MTSS1: variants seen among roughly 807,000 people sequenced by gnomAD.
The protein encoded by MTSS1 is protein MTSS 1.
Under a neutral mutation model 79.0 loss-of-function variants are expected in MTSS1, and 18 were observed. The observed-to-expected ratio is 0.23, with a 90% confidence interval of 0.16 to 0.34. MTSS1 has a LOEUF of 0.34. Ranked by LOEUF, MTSS1 falls within the 10% of genes least tolerant of loss-of-function variation. MTSS1 has a pLI of 1.00. For synonymous variants in MTSS1, 341 were observed against 368.6 expected (o/e 0.93, Z 0.86); for missense variants, 815 against 986.2 (o/e 0.83, Z 2.33).
intron 3 of MTSS1, among the ~76,000 whole-genome samples, chr8:124,693,652 AC>A (rs1445005282): frequency 6.6e-5 from 10 of 152,200 alleles, no homozygotes; most frequent in Non-Finnish European, 1.3e-4. Context: ...TCCGGCGTCC[AC>A]CTGCCTTCCT....
intron 6 of MTSS1, among the ~76,000 whole-genome samples, chr8:124,579,439 G>T (rs1829610043): frequency 6.6e-6 from 1 of 152,190 alleles, no homozygotes; most frequent in East Asian, 1.9e-4. Context: ...ATTAGATAGT[G>T]GCGATGGTTG....
chr8:124,712,169 T>G (rs1275788334), intron 1 of MTSS1, among the ~76,000 whole-genome samples: 1 of 152,150 alleles, frequency 6.6e-6, no homozygotes, highest in African/African-American at 2.4e-5. Context: ...CAAACTGGTC[T>G]TCTTCTACCA....
chr8:124,627,361 T>TA (rs1388228394), intron 3 of MTSS1, among the ~76,000 whole-genome samples: 1 of 152,226 alleles, frequency 6.6e-6, no homozygotes, highest in Admixed American at 6.5e-5. Context: ...ATGCATTAGG[T>TA]ACTCAACATT....
chr8:124,681,205 T>TAAAA (rs765690095), intron 3 of MTSS1, among the ~76,000 whole-genome samples: 1 of 126,084 alleles, frequency 7.9e-6, no homozygotes, highest in African/African-American at 2.9e-5. Context: ...CTGTGACATT[T>TAAAA]AAAAAAAAAA....
chr8:124,602,207 A>ACACACACACACATATATATATATATATAT, intron 3 of MTSS1, among the ~76,000 whole-genome samples: 2 of 142,240 alleles, frequency 1.4e-5, no homozygotes, highest in South Asian at 2.2e-4. Flanking sequence ...ATATATATAT[A>ACACACACACACATATATATATATATATAT]ATTTTTTTTT....
chr8:124,626,364 T>C (rs577477898), intron 3 of MTSS1, among the ~76,000 whole-genome samples: 1 of 152,224 alleles, frequency 6.6e-6, no homozygotes, highest in South Asian at 2.1e-4. Context: ...AAGCCAGGCA[T>C]GGTGGCACGC....
chr8:124,576,855 C>G (rs1023577977), intron 6 of MTSS1, among the ~76,000 whole-genome samples: 2 of 152,214 alleles, frequency 1.3e-5, no homozygotes, highest in Non-Finnish European at 2.9e-5. Context: ...AGCAAGTTGT[C>G]TGTTTCCTTC....
At chr8:124,629,799 C>G (rs978999075) in intron 3 of MTSS1, among the ~76,000 whole-genome samples, 8 of 152,200 alleles carry the variant, frequency 5.3e-5, no homozygotes, top group Non-Finnish European at 7.3e-5. Flanking sequence ...GGCCACCCCC[C>G]TCCATCTGGG....
At chr8:124,656,260 T>C (rs111767052) in intron 3 of MTSS1, among the ~76,000 whole-genome samples, 2,154 of 152,138 alleles carry the variant, frequency 0.014, 20 homozygotes, top group Non-Finnish European at 0.022. Flanking sequence ...GAAGAGAAAA[T>C]CAGCTATGGA....
intron 3 of MTSS1, among the ~76,000 whole-genome samples, chr8:124,611,107 C>CCG (rs1554671290): frequency 3.4e-5 from 2 of 59,254 alleles, no homozygotes; most frequent in South Asian, 4.5e-4. Context: ...ACCAGACAGA[C>CCG]CCCCCCCCCC....
intron 3 of MTSS1, among the ~76,000 whole-genome samples, chr8:124,658,177 A>T (rs748737135): frequency 8.1e-4 from 124 of 152,166 alleles, no homozygotes; most frequent in Non-Finnish European, 3.5e-4. Flanking sequence ...TCCCCGCCCA[A>T]ATCTCATCTT....
At chr8:124,579,362 T>C (rs1049279917) in intron 6 of MTSS1, among the ~76,000 whole-genome samples, 1 of 152,164 alleles carries the variant, frequency 6.6e-6, no homozygotes, top group Non-Finnish European at 1.5e-5. Context: ...GTGGGGAGAC[T>C]GTGAAACAGG....
intron 3 of MTSS1, among the ~76,000 whole-genome samples, chr8:124,676,308 C>T (rs555514128): frequency 6.6e-6 from 1 of 152,304 alleles, no homozygotes; most frequent in Admixed American, 6.5e-5. Context: ...AGTAAAGACA[C>T]TGCAGGGACA....
intron 9 of MTSS1, among the ~76,000 whole-genome samples, chr8:124,565,119 G>T (rs557155708): frequency 6.6e-6 from 1 of 152,346 alleles, no homozygotes; most frequent in South Asian, 2.1e-4. Context: ...TATTCCAACA[G>T]ATTTTGTTCC....
At chr8:124,572,467 T>C (rs1416601498) in intron 6 of MTSS1, among the ~76,000 whole-genome samples, 1 of 152,196 alleles carries the variant, frequency 6.6e-6, no homozygotes, top group Non-Finnish European at 1.5e-5. Context: ...CAGAGAGTTG[T>C]GTTGGTACTG....
intron 3 of MTSS1, among the ~76,000 whole-genome samples, chr8:124,656,926 A>C (rs891399436): frequency 6.6e-6 from 1 of 152,204 alleles, no homozygotes; most frequent in African/African-American, 2.4e-5. Context: ...CAACCAACCA[A>C]GTCCAGAATG....
chr8:124,656,085 G>A (rs1820883220), intron 3 of MTSS1, among the ~76,000 whole-genome samples: 1 of 152,196 alleles, frequency 6.6e-6, no homozygotes, highest in Non-Finnish European at 1.5e-5. Flanking sequence ...ATCTGACTGT[G>A]TTAAGTCCTT....
At chr8:124,693,138 A>G (rs142716489) in intron 3 of MTSS1, among the ~76,000 whole-genome samples, 14 of 152,256 alleles carry the variant, frequency 9.2e-5, no homozygotes, top group African/African-American at 3.4e-4. Context: ...GAGGGCTGGA[A>G]AGGACATTCT....
At chr8:124,574,987 T>C (rs533788482) in intron 6 of MTSS1, among the ~76,000 whole-genome samples, 1 of 152,166 alleles carries the variant, frequency 6.6e-6, no homozygotes, top group Non-Finnish European at 1.5e-5. Flanking sequence ...TTTTTTCCTT[T>C]CTTAGTGGTC....
Sources: allele counts gnomAD v4.1 joint callset (sites outside exome capture counted in the v4.1 genomes callset), GRCh38; gene constraint gnomAD v4.1.1; transcripts MANE v1.5; gene names NCBI Gene and HGNC (gene_info 2026-07-23, HGNC 2026-07-21).